AUTS2: variants seen among roughly 807,000 people sequenced by gnomAD.
The protein encoded by AUTS2 is autism susceptibility gene 2 protein.
AUTS2 carries 17 observed loss-of-function variants against 112.4 expected under a neutral mutation model. The observed-to-expected ratio is 0.15, with a 90% confidence interval of 0.10 to 0.23. The LOEUF is 0.23. AUTS2 is among the 10% of genes least tolerant of loss of function. The pLI is 1.00. For missense variants in AUTS2, 1,510 were observed against 1,701.6 expected, an observed-to-expected ratio of 0.89 and a Z score of 1.98; for synonymous variants, 751 against 702.7, an observed-to-expected ratio of 1.07 and a Z score of -1.09.
chr7:70,375,059 T>A (rs1793022567), intron 4 of AUTS2, among the ~76,000 whole-genome samples: 1 of 152,186 alleles, frequency 6.6e-6, no homozygotes, highest in African/African-American at 2.4e-5. Flanking sequence ...TCCTTGATAA[T>A]CCAGGATAGG....
At chr7:70,636,645 A>G (rs2129539384) in intron 5 of AUTS2, among the ~76,000 whole-genome samples, 1 of 116,444 alleles carries the variant, frequency 8.6e-6, no homozygotes, top group African/African-American at 3.1e-5. Flanking sequence ...GCCTACAAAA[A>G]TACATTTTTT....
chr7:69,621,355 C>A (rs954324610), intron 1 of AUTS2, among the ~76,000 whole-genome samples: 3 of 152,152 alleles, frequency 2.0e-5, no homozygotes, highest in Non-Finnish European at 4.4e-5. Flanking sequence ...GGGACTTTCA[C>A]TCTTTTTTCT....
rs111985690 is a variant in AUTS2, at chr7:70,716,468, C to T, written c.742+17848C>T. ...CTAACACAGTGAAACCCCATCTCTACTAAATATACAAAAAATTAGCCGGAT... is the reference window on the plus strand; with the variant it reads ...CTAACACAGTGAAACCCCATCTCTATTAAATATACAAAAAATTAGCCGGAT... On this transcript the variant is annotated intron_variant, in intron 6 of 18. Coordinates refer to ENST00000342771, the MANE Select transcript of AUTS2 (RefSeq NM_015570.4). 2.6e-3 allele frequency among the ~76,000 whole-genome samples: 395 copies of T among 151,884 alleles called. 1 individual carries two copies. The highest frequency in any genetic ancestry group is 9.3e-3 in the African/African-American group (385 of 41,438).
chr7:69,642,530 AG>A (rs1182932030), intron 1 of AUTS2, among the ~76,000 whole-genome samples: 3 of 152,208 alleles, frequency 2.0e-5, no homozygotes, highest in Admixed American at 2.0e-4. Context: ...TTGGTTGGCA[AG>A]GACTTGTGTA....
chr7:69,757,663 C>T (rs1271172028), intron 1 of AUTS2, among the ~76,000 whole-genome samples: 4 of 152,062 alleles, frequency 2.6e-5, no homozygotes, highest in Non-Finnish European at 5.9e-5. Context: ...ATTGTTACCC[C>T]CTCCTTGTTA....
chr7:70,735,447 G>C (rs965303220), intron 6 of AUTS2, among the ~76,000 whole-genome samples: 1 of 152,204 alleles, frequency 6.6e-6, no homozygotes, highest in Non-Finnish European at 1.5e-5. Flanking sequence ...CTAGAGTCAA[G>C]GCTGGGTTTG....
rs1395119878 is a variant in AUTS2 at position 70,766,800 on chromosome 7, G to A, written c.1689+466G>A. ...GCTGGGACTGCATTGGGTGCCACCT[G>A]TGCATTCCGATGGCTTCCCTAAACC... On this transcript the variant is annotated intron_variant, in intron 9 of 18. Coordinates refer to ENST00000342771, the MANE Select transcript of AUTS2 (RefSeq NM_015570.4). This position sits in a 1 kb window ranked among gnomAD's most constrained non-coding sequence, Gnocchi z 4.8. 6.6e-6 allele frequency among the ~76,000 whole-genome samples: 1 copy of A among 152,192 alleles called. No homozygotes were observed. Among genetic ancestry groups the A allele is most frequent in the African/African-American group, 2.4e-5 (1 of 41,428 alleles).
At chr7:70,373,250 T>C (rs116641187) in intron 4 of AUTS2, among the ~76,000 whole-genome samples, 172 of 152,194 alleles carry the variant, frequency 1.1e-3, no homozygotes, top group African/African-American at 3.9e-3. Context: ...TAAATGTTTC[T>C]GCTGGTGTAG....
chr7:69,916,694 C>T (rs952211206), intron 2 of AUTS2, among the ~76,000 whole-genome samples: 14 of 152,112 alleles, frequency 9.2e-5, no homozygotes, highest in Non-Finnish European at 1.5e-4. Flanking sequence ...CTCCTCTTCC[C>T]CTCTTCCCCC....
chr7:70,523,478 A>T (rs1799722432), intron 5 of AUTS2, among the ~76,000 whole-genome samples: 1 of 152,180 alleles, frequency 6.6e-6, no homozygotes, highest in African/African-American at 2.4e-5. Flanking sequence ...CAAGTGGTAA[A>T]GTTGACATCT....
intron 5 of AUTS2, among the ~76,000 whole-genome samples, chr7:70,445,029 A>G (rs2130978413): frequency 6.6e-6 from 1 of 152,348 alleles, no homozygotes; most frequent in East Asian, 1.9e-4. Flanking sequence ...ACCACTTCAC[A>G]TGAAAGAGAA....
chr7:69,702,667 A>C (rs1368122920), intron 1 of AUTS2, among the ~76,000 whole-genome samples: 1 of 151,978 alleles, frequency 6.6e-6, no homozygotes, highest in Admixed American at 6.5e-5. Flanking sequence ...CAACATCAGC[A>C]CCACCTGGGA....
At chr7:69,811,013 C>T (rs961303091) in intron 1 of AUTS2, among the ~76,000 whole-genome samples, 14 of 152,170 alleles carry the variant, frequency 9.2e-5, no homozygotes, top group Non-Finnish European at 1.3e-4. Flanking sequence ...TAAAGAAGAT[C>T]ATGAATGCTG....
rs76948375 is a variant in AUTS2 at position 70,723,688 on chromosome 7, G to A, written c.742+25068G>A. Among the ~76,000 whole-genome samples the A allele has an allele frequency of 5.7e-4, 54 of 95,436 alleles. No homozygotes were observed. The East Asian group carries it at 0.036, about 64-fold the overall frequency. The allele number at this position is 95,436 out of a possible 152,430, so 62.6% of individuals were successfully genotyped here. The stretch of plus-strand genomic sequence containing the variant: ...TTCTGAGTTGTAGAGAAAAATACTC[G>A]CGTAGCTCTGCTCTTATTTATGTAT... On this transcript the variant is annotated intron_variant, in intron 6 of 18. Coordinates refer to ENST00000342771, the MANE Select transcript of AUTS2 (RefSeq NM_015570.4).
intron 14 of AUTS2, among the ~76,000 whole-genome samples, chr7:70,780,799 G>A (rs1222060717): frequency 2.0e-5 from 3 of 152,122 alleles, no homozygotes; most frequent in Non-Finnish European, 4.4e-5. Flanking sequence ...TCATTTGAAA[G>A]TTAGCTTATA....
chr7:70,056,441 A>G (rs1801997488), intron 2 of AUTS2, among the ~76,000 whole-genome samples: 1 of 152,030 alleles, frequency 6.6e-6, no homozygotes, highest in Admixed American at 6.5e-5. Flanking sequence ...TTCATTCCTC[A>G]ATACTTATTT....
Position 70,517,232 on chromosome 7 carries a change from G to C in AUTS2, c.690+81451G>C, listed in dbSNP as rs867506313. Among the ~76,000 whole-genome samples the C allele has an allele frequency of 1.2e-4, 19 of 152,306 alleles. No individual in the cohort carries two copies. The South Asian group carries it at 3.7e-3, about 30-fold the overall frequency. On this transcript the variant is annotated intron_variant, in intron 5 of 18. Coordinates refer to ENST00000342771, the MANE Select transcript of AUTS2 (RefSeq NM_015570.4). ...CTTTCTTCTGTATATGCTCACCTGT[G>C]TACAGCACCCAACACTGGGGAGGTT... is the stretch of plus-strand genomic sequence containing the variant.
rs192767098 is a variant in AUTS2 at position 69,797,362 on chromosome 7, T to G, written c.310-101924T>G. 3.9e-3 allele frequency among the ~76,000 whole-genome samples: 589 copies of G among 152,324 alleles called. 5 individuals are homozygous for G. The highest frequency in any genetic ancestry group is 0.01 in the African/African-American group (433 of 41,578). Reference sequence around the variant, plus strand: ...GAGCTGCTCTCAGTCCAGGATTATGTGCAGATCCCGAATCTGATCTTGGGC... The same window carrying G: ...GAGCTGCTCTCAGTCCAGGATTATGGGCAGATCCCGAATCTGATCTTGGGC... On this transcript the variant is annotated intron_variant, in intron 1 of 18. Coordinates refer to ENST00000342771, the MANE Select transcript of AUTS2 (RefSeq NM_015570.4).
intron 4 of AUTS2, among the ~76,000 whole-genome samples, chr7:70,204,315 A>T (rs1810458736): frequency 6.6e-6 from 1 of 152,234 alleles, no homozygotes; most frequent in Non-Finnish European, 1.5e-5. Flanking sequence ...TAGTTTGCCT[A>T]GATGTTCACA....
Sources: gnomAD v4.1 joint callset for allele counts (sites outside exome capture counted in the v4.1 genomes callset) on GRCh38, gnomAD v4.1.1 for gene constraint, Gnocchi (gnomAD v3.1) non-coding constraint, MANE v1.5 for transcripts, NCBI Gene and HGNC (gene_info 2026-07-23, HGNC 2026-07-21) for gene names.